Variants in ZNF385D observed in about 807,000 individuals in gnomAD.
The protein encoded by ZNF385D is zinc finger protein 385D, also known as zinc finger protein 659.
Under a neutral mutation model 35.8 loss-of-function variants are expected in ZNF385D, and 15 were observed. That is an observed-to-expected ratio of 0.42 (90% CI 0.28 to 0.64). ZNF385D has a LOEUF of 0.64. ZNF385D is among the 30% of genes least tolerant of loss of function. ZNF385D has a pLI of 0.23. For missense variants in ZNF385D, 474 were observed against 494.6 expected (o/e 0.96, Z 0.39); for synonymous variants, 212 against 186.8 (o/e 1.13, Z -1.10).
At chr3:22,333,595 C>G (rs1401132051) in intron 2 of ZNF385D, among the ~76,000 whole-genome samples, 1 of 152,084 alleles carries the variant, frequency 6.6e-6, no homozygotes, top group Non-Finnish European at 1.5e-5. Context: ...ATTTTTTCAG[C>G]CCTAAAATCT....
intron 2 of ZNF385D, among the ~76,000 whole-genome samples, chr3:22,349,155 T>C (rs1695801176): frequency 6.6e-6 from 1 of 152,190 alleles, no homozygotes; most frequent in Admixed American, 6.5e-5. Context: ...TTAATCTTTG[T>C]ATGCTGAGTG....
chr3:21,791,176 T>C (rs567109955), intron 3 of ZNF385D, among the ~76,000 whole-genome samples: 51 of 152,322 alleles, frequency 3.3e-4, no homozygotes, highest in African/African-American at 1.2e-3. Context: ...TTCTGTCCTT[T>C]TCTGAGGTAT....
intron 2 of ZNF385D, among the ~76,000 whole-genome samples, chr3:22,197,844 C>G (rs1024135750): frequency 2.0e-5 from 3 of 152,100 alleles, no homozygotes; most frequent in Non-Finnish European, 4.4e-5. Context: ...TTCCTTTCCT[C>G]TAGCATCTTG....
At chr3:21,542,272 C>T (rs1188331288) in intron 3 of ZNF385D, among the ~76,000 whole-genome samples, 2 of 151,890 alleles carry the variant, frequency 1.3e-5, no homozygotes, top group African/African-American at 4.8e-5. Flanking sequence ...GAAGCCTAAA[C>T]TTCATTTTTA....
At chr3:22,030,285 A>ATATATATATATGTATG (rs1697895253) in intron 3 of ZNF385D, among the ~76,000 whole-genome samples, 9 of 86,732 alleles carry the variant, frequency 1.0e-4, no homozygotes, top group South Asian at 8.4e-4. Flanking sequence ...ATATATATAT[A>ATATATATATATGTATG]TATATATATA....
intron 2 of ZNF385D, among the ~76,000 whole-genome samples, chr3:21,634,471 C>A (rs1386118388): frequency 6.6e-6 from 1 of 152,002 alleles, no homozygotes. Flanking sequence ...CAAAAGAAAT[C>A]TATCATGCTC....
intron 2 of ZNF385D, among the ~76,000 whole-genome samples, chr3:22,190,809 G>T (rs923898992): frequency 4.6e-5 from 7 of 151,882 alleles, no homozygotes; most frequent in African/African-American, 7.3e-5. Context: ...ACACTAGATA[G>T]ATTTCCATTC....
chr3:22,037,103 G>C (rs1428748606), intron 3 of ZNF385D, among the ~76,000 whole-genome samples: 2 of 151,948 alleles, frequency 1.3e-5, no homozygotes, highest in East Asian at 1.9e-4. Context: ...TCTTAATCCA[G>C]TCTATCGTTG....
intron 4 of ZNF385D, among the ~76,000 whole-genome samples, chr3:21,457,324 G>C (rs1702883396): frequency 1.4e-5 from 2 of 145,286 alleles, no homozygotes; most frequent in African/African-American, 5.0e-5. Context: ...GTGATTTAAG[G>C]AGAGTGGTTA....
intron 3 of ZNF385D, among the ~76,000 whole-genome samples, chr3:21,525,891 T>C (rs1708196071): frequency 6.6e-6 from 1 of 152,106 alleles, no homozygotes. Context: ...GTCTAAGTGA[T>C]GTTGTTAATA....
intron 3 of ZNF385D, among the ~76,000 whole-genome samples, chr3:21,523,427 C>T (rs1054003103): frequency 3.0e-4 from 45 of 152,262 alleles, no homozygotes; most frequent in African/African-American, 1.0e-3. Flanking sequence ...CTAAATAGTG[C>T]ATAGGAATTA....
At chr3:21,847,578 G>C (rs768113649) in intron 3 of ZNF385D, among the ~76,000 whole-genome samples, 1 of 151,996 alleles carries the variant, frequency 6.6e-6, no homozygotes, top group African/African-American at 2.4e-5. Context: ...GGGTGTAGTT[G>C]ATTGAATGTA....
chr3:22,178,948 C>G (rs949167537), intron 2 of ZNF385D, among the ~76,000 whole-genome samples: 1 of 151,098 alleles, frequency 6.6e-6, no homozygotes, highest in Admixed American at 6.6e-5. Flanking sequence ...GTCTATATCT[C>G]TGTTTTGGTA....
rs576170031 is a variant in ZNF385D, at chr3:22,208,730, T to A, written c.107-39695A>T. ...AAAAGTAAAAATTAAAAAAAAAATTTAAAAAATAATTATTCAGTATGCACA... is the reference window on the plus strand; with the variant it reads ...AAAAGTAAAAATTAAAAAAAAAATTAAAAAAATAATTATTCAGTATGCACA... On this transcript the variant is annotated intron_variant, in intron 2 of 5. Transcript: ENST00000494108. 2.7e-3 allele frequency among the ~76,000 whole-genome samples: 409 copies of A among 151,308 alleles called. 2 individuals are homozygous for A. The highest frequency in any genetic ancestry group is 8.3e-3 in the African/African-American group (344 of 41,252).
At chr3:21,920,725 G>A (rs995659848) in intron 3 of ZNF385D, among the ~76,000 whole-genome samples, 10 of 151,806 alleles carry the variant, frequency 6.6e-5, no homozygotes, top group Admixed American at 3.9e-4. Context: ...ATGAAGTTAG[G>A]CAACTCTCCC....
At chr3:21,707,988 G>C (rs1467922383) in intron 1 of ZNF385D, among the ~76,000 whole-genome samples, 1 of 152,154 alleles carries the variant, frequency 6.6e-6, no homozygotes, top group Admixed American at 6.5e-5. Flanking sequence ...CCTGGGTCCG[G>C]CACTACGGGC....
At chr3:21,744,252 T>G (rs1164239770) in intron 1 of ZNF385D, among the ~76,000 whole-genome samples, 1 of 152,212 alleles carries the variant, frequency 6.6e-6, no homozygotes, top group African/African-American at 2.4e-5. Context: ...GTTGACACAC[T>G]TTGAAAAATA....
chr3:21,663,950 T>C (rs1255597382), intron 2 of ZNF385D, among the ~76,000 whole-genome samples: 2 of 140,766 alleles, frequency 1.4e-5, no homozygotes, highest in Admixed American at 7.2e-5. Flanking sequence ...GGGGACAAGA[T>C]ATTGCAACAA....
intron 3 of ZNF385D, among the ~76,000 whole-genome samples, chr3:21,906,804 G>C (rs546890900): frequency 4.3e-4 from 65 of 152,258 alleles, no homozygotes; most frequent in African/African-American, 1.5e-3. Flanking sequence ...GACCAGGTGA[G>C]ATAACTTATT....
Sources: gnomAD v4.1 joint callset for allele counts (sites outside exome capture counted in the v4.1 genomes callset) on GRCh38, gnomAD v4.1.1 for gene constraint, MANE v1.5 for transcripts, NCBI Gene and HGNC (gene_info 2026-07-23, HGNC 2026-07-21) for gene names.